The following RNF10 variants were observed in gnomAD, a reference collection of about 807,000 sequenced individuals.
RNF10 encodes the protein ring finger protein 10.
RNF10 carries 38 observed loss-of-function variants against 91.4 expected under a neutral mutation model. The observed-to-expected ratio is 0.42, with a 90% CI of 0.32 to 0.54. RNF10 has a LOEUF of 0.54. Ranked by LOEUF, RNF10 falls within the 20% of genes least tolerant of loss-of-function variation. The pLI is 0.16. For missense variants in RNF10, 945 were observed against 1,012.0 expected (o/e 0.93, Z 0.90); for synonymous variants, 364 against 366.3 (o/e 0.99, Z 0.07).
intron 7 of RNF10, among the ~76,000 whole-genome samples, chr12:120,562,299 A>T (rs1593097058): frequency 9.2e-6 from 1 of 108,682 alleles, no homozygotes; most frequent in African/African-American, 3.5e-5. Context: ...TTTGAGACAG[A>T]GTTTTGCTCT....
At chr12:120,559,505 G>T (rs979194705) in intron 6 of RNF10, among the ~76,000 whole-genome samples, 9 of 151,452 alleles carry the variant, frequency 5.9e-5, no homozygotes, top group African/African-American at 9.7e-5. Flanking sequence ...CTGCCTCAGC[G>T]TCCTGAGTAG....
At chr12:120,556,926 G>A (rs1874114411) in intron 4 of RNF10, among the ~76,000 whole-genome samples, 1 of 151,928 alleles carries the variant, frequency 6.6e-6, no homozygotes, top group Non-Finnish European at 1.5e-5. Context: ...GCCGAGGCGG[G>A]CGGATCACAA....
At chr12:120,564,868 A>G (rs1049238772) in intron 10 of RNF10, among the ~76,000 whole-genome samples, 3 of 152,244 alleles carry the variant, frequency 2.0e-5, no homozygotes, top group Non-Finnish European at 4.4e-5. Flanking sequence ...CAAACCAAAA[A>G]TAACTGGATT....
intron 1 of RNF10, among the ~76,000 whole-genome samples, chr12:120,545,683 G>A (rs1483575011): frequency 6.6e-6 from 1 of 152,050 alleles, no homozygotes; most frequent in Admixed American, 6.6e-5. Flanking sequence ...GATTATAGGT[G>A]CCCGCCACCA....
At chr12:120,552,846 C>A (rs1451931177) in intron 3 of RNF10, 148 bp downstream of exon 3, 3 of 689,112 alleles carry the variant, frequency 4.4e-6, no homozygotes, top group Non-Finnish European at 7.2e-6. Flanking sequence ...ACTGCCCCGC[C>A]CTTCCTTTCT....
At chr12:120,536,877 G>A (rs1870902466) in intron 1 of RNF10, among the ~76,000 whole-genome samples, 1 of 152,178 alleles carries the variant, frequency 6.6e-6, no homozygotes, top group Non-Finnish European at 1.5e-5. Flanking sequence ...TTTCTTAGCA[G>A]TAGGTGAAAG....
Position 120,552,554 on chromosome 12 carries a change from A to G in RNF10, c.410A>G (p.Lys137Arg). Residue 137 changes from lysine (K) to arginine (R), a missense_variant, in exon 3 of 17, where the codon AAG becomes AGG. Transcript: ENST00000325954. ...FSPAQFSGPKKINLNHLLNFT... is the reference protein window; with the variant it reads ...FSPAQFSGPKRINLNHLLNFT... ...CCTGCCCAGTTCTCTGGTCCTAAGA[A>G]GATCAACCTGAACCACTTGTTGAAT... The G allele has an allele frequency of 6.2e-7, 1 of 1,614,234 alleles. No individual in the cohort carries two copies. The highest frequency in any genetic ancestry group is 2.2e-5 in the East Asian group (1 of 44,892).
In RNF10 at chr12:120,576,787, G is replaced by T. The variant is rs1877455457; in HGVS notation, c.*121G>T. 1.1e-5 allele frequency: 15 copies of T among 1,395,378 alleles called. No homozygotes were observed. The highest frequency in any genetic ancestry group is 1.5e-5 in the Non-Finnish European group (15 of 1,032,258). The allele number at this position is 1,395,378 out of a possible 1,614,324, so 86.4% of individuals were successfully genotyped here. A position where few individuals can be genotyped will look rare whatever the true frequency, so the allele number is the denominator to read the frequency against. The stretch of plus-strand genomic sequence containing the variant: ...AGTTTGAACAGATTAGCTCTGGGGG[G>T]AGGGGGTTTCCACAATGTGAGGGGG... On this transcript the variant is annotated 3_prime_UTR_variant, in exon 17 of 17. Coordinates refer to ENST00000325954, the MANE Select transcript of RNF10 (RefSeq NM_014868.5).
At chr12:120,558,942 A>T (rs879401781) in intron 6 of RNF10, among the ~76,000 whole-genome samples, 2 of 151,866 alleles carry the variant, frequency 1.3e-5, no homozygotes, top group African/African-American at 2.4e-5. Context: ...CCTTTATTTG[A>T]GATGGAATCT....
intron 14 of RNF10, chr12:120,574,745 G>A: frequency 3.4e-6 from 1 of 297,184 alleles, no homozygotes; most frequent in South Asian, 2.9e-5. Context: ...GACCAACATG[G>A]AGAAACCCCG....
intron 7 of RNF10, among the ~76,000 whole-genome samples, 197 bp from the exon 8 acceptor site, chr12:120,562,748 C>T (rs1565963149): frequency 6.6e-6 from 1 of 152,138 alleles, no homozygotes; most frequent in African/African-American, 2.4e-5. Context: ...AGATTCCAAT[C>T]CTTAGTGGGT....
At chr12:120,537,375 C>T (rs1870977987) in intron 1 of RNF10, among the ~76,000 whole-genome samples, 1 of 152,072 alleles carries the variant, frequency 6.6e-6, no homozygotes, top group Admixed American at 6.6e-5. Flanking sequence ...GCCTGTAATC[C>T]CAGCACTTTG....
intron 14 of RNF10, among the ~76,000 whole-genome samples, chr12:120,572,106 C>G (rs1181755252): frequency 6.6e-6 from 1 of 151,524 alleles, no homozygotes; most frequent in Non-Finnish European, 1.5e-5. Flanking sequence ...TCTCCCTGTC[C>G]CCCAGGCTGG....
intron 1 of RNF10, among the ~76,000 whole-genome samples, chr12:120,545,702 T>C (rs1872227437): frequency 6.6e-6 from 1 of 152,116 alleles, no homozygotes; most frequent in African/African-American, 2.4e-5. Flanking sequence ...CATGCGCGGC[T>C]AATTTTTTGT....
At position 120,550,063 on chromosome 12, in the gene RNF10, A is replaced by G. The variant is rs181882299; in HGVS notation, c.355-2436A>G. ...TAGATCAAGCCATGTGTGTAATCAT[A>G]CATTTTCTAGCTGCCTGCGCTAGAG... is the stretch of plus-strand genomic sequence containing the variant. On this transcript the variant is annotated intron_variant, in intron 2 of 16. Coordinates refer to ENST00000325954, the MANE Select transcript of RNF10 (RefSeq NM_014868.5). 2.0e-4 allele frequency among the ~76,000 whole-genome samples: 31 copies of G among 152,332 alleles called. No individual in the cohort carries two copies. In the East Asian group the frequency reaches 5.2e-3, roughly 26 times the overall value.
chr12:120,538,719 C>G (rs1871171554), intron 1 of RNF10, among the ~76,000 whole-genome samples: 1 of 152,150 alleles, frequency 6.6e-6, no homozygotes, highest in Non-Finnish European at 1.5e-5. Context: ...GAACCAGGCT[C>G]TTGTCCCATC....
At chr12:120,571,064 T>G in intron 13 of RNF10, 127 bp from the exon 14 acceptor site, 1 of 651,412 alleles carries the variant, frequency 1.5e-6, no homozygotes, top group Non-Finnish European at 2.7e-6. Flanking sequence ...GGATCAATGT[T>G]TGCTTTTTTT....
At position 120,565,545 on chromosome 12, in the gene RNF10, T is replaced by C. The variant is rs766018940; in HGVS notation, c.1885+16T>C. 2 of 1,608,178 alleles carry C rather than the reference T, an allele frequency of 1.2e-6. No homozygotes were observed. Among genetic ancestry groups the C allele is most frequent in the Non-Finnish European group, 1.7e-6 (2 of 1,175,306 alleles). On this transcript the variant is annotated intron_variant, in intron 12 of 16. Coordinates refer to ENST00000325954, the MANE Select transcript of RNF10 (RefSeq NM_014868.5). ...CAGGGCAAGTGTAAGTTCAGGAACTTTCATCTTTGACTAGCACTGCTGTAC... is the reference window on the plus strand; with the variant it reads ...CAGGGCAAGTGTAAGTTCAGGAACTCTCATCTTTGACTAGCACTGCTGTAC...
intron 1 of RNF10, among the ~76,000 whole-genome samples, chr12:120,539,645 C>G (rs569475848): frequency 8.5e-5 from 13 of 152,254 alleles, no homozygotes; most frequent in African/African-American, 2.6e-4. Context: ...CTGAGATATA[C>G]CTACTGCTAC....
Sources: gnomAD v4.1 joint callset for allele counts (sites outside exome capture counted in the v4.1 genomes callset) on GRCh38, gnomAD v4.1.1 for gene constraint, MANE v1.5 for transcripts, NCBI Gene and HGNC (gene_info 2026-07-23, HGNC 2026-07-21) for gene names.